PROX1: variants seen among roughly 807,000 people sequenced by gnomAD.
PROX1 encodes prospero homeobox protein 1.
A neutral mutation model predicts 58.8 loss-of-function variants in PROX1; 7 were observed. That is an observed-to-expected ratio of 0.12 (90% CI 0.07 to 0.22). The LOEUF (loss-of-function observed/expected upper bound fraction) is 0.22, where lower values mean the gene tolerates loss of function less well. PROX1 is among the 10% of genes least tolerant of loss of function. PROX1 has a pLI of 1.00. For missense variants in PROX1, 675 were observed against 927.8 expected (o/e 0.73, Z 3.54); for synonymous variants, 350 against 358.3 (o/e 0.98, Z 0.26).
intron 3 of PROX1, 76 bp downstream of exon 3, chr1:214,005,348 G>A: frequency 1.8e-6 from 2 of 1,135,046 alleles, no homozygotes; most frequent in Non-Finnish European, 2.6e-6. Flanking sequence ...GAAGTTAATG[G>A]AGATGAATGT....
chr1:214,004,711 A>G (rs932917266), intron 2 of PROX1, among the ~76,000 whole-genome samples: 1 of 152,238 alleles, frequency 6.6e-6, no homozygotes, highest in Non-Finnish European at 1.5e-5. Flanking sequence ...TTATATTTTC[A>G]TGTACATTAG....
chr1:214,019,570 C>A (rs1183886195), intron 4 of PROX1, among the ~76,000 whole-genome samples: 6 of 152,202 alleles, frequency 3.9e-5, no homozygotes, highest in Non-Finnish European at 8.8e-5. Context: ...GGTAGTCCTG[C>A]CTGCATCCCG....
In PROX1 at chr1:214,037,335, C is replaced by T. The variant is rs1664861402; in HGVS notation, c.*1501C>T. On this transcript the variant is annotated 3_prime_UTR_variant, in exon 5 of 5. Transcript: ENST00000366958. ...CCCTTAGGTAATTTGATATACACCTCCTAAAATGACACAGTAACAAATCTG... is the reference window on the plus strand; with the variant it reads ...CCCTTAGGTAATTTGATATACACCTTCTAAAATGACACAGTAACAAATCTG... 6.6e-6 allele frequency: 1 copy of T among 152,110 alleles called. No individual in the cohort carries two copies. The highest frequency in any genetic ancestry group is 1.5e-5 in the Non-Finnish European group (1 of 68,020). The allele number at this position is 152,110 out of a possible 1,614,324, so 9.4% of individuals were successfully genotyped here. A position where few individuals can be genotyped will look rare whatever the true frequency, so the allele number is the denominator to read the frequency against.
In PROX1 at chr1:214,034,479, C is replaced by T. The variant is rs991026811; in HGVS notation, c.2029-1170C>T. Among the ~76,000 whole-genome samples the T allele has an allele frequency of 1.3e-4, 20 of 152,310 alleles. No individual in the cohort carries two copies. In the South Asian group the frequency reaches 1.7e-3, roughly 13 times the overall value. ...ACTTTACTGGTGTATAAGTACCCCA[C>T]TAAAAGAAATCTACTAAGTGTCAAT... is the stretch of plus-strand genomic sequence containing the variant. On this transcript the variant is annotated intron_variant, in intron 4 of 4. Transcript: ENST00000366958.
rs539471823 is a variant in PROX1 at position 214,037,326 on chromosome 1, T to G, written c.*1492T>G. ...CCTTCCTTCCCCTTAGGTAATTTGA[T>G]ATACACCTCCTAAAATGACACAGTA... On this transcript the variant is annotated 3_prime_UTR_variant, in exon 5 of 5. Transcript: ENST00000366958. 2 of 152,224 alleles carry G rather than the reference T, an allele frequency of 1.3e-5. No individual in the cohort carries two copies. The highest frequency in any genetic ancestry group is 4.8e-5 in the African/African-American group (2 of 41,460). The allele number at this position is 152,224 out of a possible 1,614,324, so 9.4% of individuals were successfully genotyped here. A position where few individuals can be genotyped will look rare whatever the true frequency, so the allele number is the denominator to read the frequency against.
intron 2 of PROX1, among the ~76,000 whole-genome samples, chr1:214,000,042 T>TCACACACACACACACACACA (rs1558172446): frequency 1.5e-5 from 2 of 134,274 alleles, no homozygotes; most frequent in African/African-American, 6.0e-5. Context: ...TCTCTCTCTC[T>TCACACACACACACACACACA]TACACACACA....
chr1:214,005,293 T>G (rs1663667233), intron 3 of PROX1, 21 bp downstream of exon 3: 2 of 1,564,324 alleles, frequency 1.3e-6, no homozygotes, highest in Non-Finnish European at 1.8e-6. Context: ...TTTTTATTCT[T>G]AATTTTTTCA....
chr1:214,031,596 G>T (rs1337262256), intron 4 of PROX1, among the ~76,000 whole-genome samples: 1 of 152,092 alleles, frequency 6.6e-6, no homozygotes, highest in Non-Finnish European at 1.5e-5. Context: ...AGATTGTTGG[G>T]TTCTATTAAA....
intron 1 of PROX1, among the ~76,000 whole-genome samples, chr1:213,992,169 G>A (rs1018060845): frequency 1.3e-5 from 2 of 152,224 alleles, no homozygotes; most frequent in Middle Eastern, 6.8e-3. Flanking sequence ...TCATTTTGCA[G>A]GTGAAAAGTG....
At chr1:214,034,310 A>C (rs1263404216) in intron 4 of PROX1, among the ~76,000 whole-genome samples, 1 of 152,144 alleles carries the variant, frequency 6.6e-6, no homozygotes, top group East Asian at 1.9e-4. Context: ...ACATTACACT[A>C]CTTCCTTTTT....
chr1:213,997,752 A>G lies in PROX1; in HGVS notation c.1217A>G (p.Asn406Ser). 1 of 1,614,152 alleles carries G rather than the reference A, an allele frequency of 6.2e-7. No individual in the cohort carries two copies. Among genetic ancestry groups the G allele is most frequent in the Non-Finnish European group, 8.5e-7 (1 of 1,180,024 alleles). ...GAAAACCACAATTTCCACACCGCCA[A>G]CCAGCGCCTGCAGTGCTTTGGCGAC... ...NGENHNFHTA[N>S]QRLQCFGDVI... is the part of the protein sequence containing the mutation. Residue 406 changes from asparagine (N) to serine (S), a missense_variant, in exon 2 of 5, where the codon AAC (asparagine) becomes AGC (serine). This residue lies in a region of PROX1 where 403 missense variants were observed against 477.4 expected (regional missense o/e 0.84). Transcript: ENST00000366958. The surrounding 1 kb of genome is among the most constrained non-coding windows in gnomAD (Gnocchi z 7.1).
chr1:214,017,019 A>G (rs1297655859), intron 4 of PROX1, among the ~76,000 whole-genome samples: 1 of 152,244 alleles, frequency 6.6e-6, no homozygotes, highest in African/African-American at 2.4e-5. Context: ...ATTCTTAAAG[A>G]AAAAGATACA....
At chr1:214,018,272 C>T (rs1415420252) in intron 4 of PROX1, among the ~76,000 whole-genome samples, 7 of 152,204 alleles carry the variant, frequency 4.6e-5, no homozygotes, top group Non-Finnish European at 8.8e-5. Context: ...TGACTATTCA[C>T]TCACTGCTCT....
rs149735138 is a variant in PROX1 at position 214,001,767 on chromosome 1, T to C, written c.1726-3398T>C. On this transcript the variant is annotated intron_variant, in intron 2 of 4. Transcript: ENST00000366958. ...AGAAGTCTTGTGGAGGCTATAGTAC[T>C]TATATTAGCTAGAGCAAAACATGTA... 7.4e-4 allele frequency among the ~76,000 whole-genome samples: 113 copies of C among 152,244 alleles called. 1 individual carries two copies. The highest frequency in any genetic ancestry group is 6.8e-3 in the Middle Eastern group (2 of 294).
intron 2 of PROX1, among the ~76,000 whole-genome samples, chr1:214,003,885 T>C (rs890059556): frequency 3.9e-5 from 6 of 152,244 alleles, no homozygotes; most frequent in Admixed American, 6.5e-5. Flanking sequence ...TGAAGGTCAT[T>C]TGGAAAATTT....
At chr1:214,033,893 C>T (rs1384579484) in intron 4 of PROX1, among the ~76,000 whole-genome samples, 1 of 152,164 alleles carries the variant, frequency 6.6e-6, no homozygotes, top group Non-Finnish European at 1.5e-5. Context: ...CACCCAAAGG[C>T]CTGTAGAAAA....
At chr1:214,028,659 G>A (rs1664540231) in intron 4 of PROX1, among the ~76,000 whole-genome samples, 1 of 152,114 alleles carries the variant, frequency 6.6e-6, no homozygotes, top group South Asian at 2.1e-4. Flanking sequence ...GATATTTTAT[G>A]CTTCCCAAAG....
chr1:214,011,775 T>A, intron 4 of PROX1, 60 bp downstream of exon 4: 1 of 1,400,446 alleles, frequency 7.1e-7, no homozygotes, highest in Non-Finnish European at 9.6e-7. Flanking sequence ...AAATTTATTT[T>A]CTTTAGAAAT....
intron 4 of PROX1, among the ~76,000 whole-genome samples, chr1:214,022,051 T>C (rs1350685669): frequency 6.6e-6 from 1 of 152,236 alleles, no homozygotes; most frequent in African/African-American, 2.4e-5. Flanking sequence ...CAATATTTTA[T>C]ATAAAACATC....
Sources: gnomAD v4.1 joint callset for allele counts (sites outside exome capture counted in the v4.1 genomes callset) on GRCh38, gnomAD v4.1.1 for gene constraint, gnomAD v4.1.1 regional missense constraint, Gnocchi (gnomAD v3.1) non-coding constraint, MANE v1.5 for transcripts, NCBI Gene and HGNC (gene_info 2026-07-23, HGNC 2026-07-21) for gene names.